Variants in XDH observed in about 807,000 individuals in gnomAD.
The protein encoded by XDH is xanthine dehydrogenase.
XDH carries 138 observed loss-of-function variants against 156.1 expected under a neutral mutation model. The ratio of observed to expected loss-of-function variants is 0.88; its 90% CI spans 0.77 to 1.02. The LOEUF (loss-of-function observed/expected upper bound fraction) is 1.02. Ranked by LOEUF, XDH falls within the 50% of genes least tolerant of loss-of-function variation. The pLI, the probability that XDH is intolerant of heterozygous loss-of-function variation, is 0.00. For synonymous variants in XDH, 669 were observed against 625.7 expected (o/e 1.07, Z -1.03); for missense variants, 1,849 against 1,684.9 (o/e 1.10, Z -1.71).
intron 21 of XDH, 116 bp downstream of exon 21, chr2:31,366,754 G>A (rs1685924489): frequency 1.3e-6 from 2 of 1,533,184 alleles, no homozygotes; most frequent in Non-Finnish European, 9.0e-7. Flanking sequence ...TGACACTCGA[G>A]TACCCTCTGG....
At position 31,342,192 on chromosome 2, in the gene XDH, T is replaced by G. The variant is rs1181243895; in HGVS notation, c.3510A>C (p.Gly1170=). 6.2e-7 allele frequency: 1 copy of G among 1,614,078 alleles called. No individual in the cohort carries two copies. The highest frequency in any genetic ancestry group is 1.7e-5 in the Admixed American group (1 of 60,032). The stretch of plus-strand genomic sequence containing the variant: ...TTTGCAAACTTCTTACCTTATGATC[T>G]CCTGTTAGGCAGTCGATTTCTACTT... ...CSEVEIDCLT[G]DHKNLRTDIV... The change falls in exon 32 of 36, where the codon GGA becomes GGC. Residue 1170 remains glycine (G), a synonymous_variant. Transcript: ENST00000379416.
intron 12 of XDH, among the ~76,000 whole-genome samples, chr2:31,381,101 T>C (rs1199623784): frequency 1.3e-5 from 2 of 152,086 alleles, no homozygotes; most frequent in Admixed American, 1.3e-4. Flanking sequence ...GTTCAAGTGA[T>C]TCTCTTGACT....
At chr2:31,400,647 A>T (rs1687032666) in intron 4 of XDH, among the ~76,000 whole-genome samples, 1 of 152,234 alleles carries the variant, frequency 6.6e-6, no homozygotes, top group Non-Finnish European at 1.5e-5. Flanking sequence ...ATGCATTTTC[A>T]GGTGGTCTGA....
chr2:31,352,192 G>A (rs1049597109), intron 24 of XDH, among the ~76,000 whole-genome samples: 2 of 151,906 alleles, frequency 1.3e-5, no homozygotes, highest in Non-Finnish European at 2.9e-5. Context: ...CCATTTTTGG[G>A]AGATTTGTCA....
At chr2:31,338,805 C>G (rs1305120150) in intron 34 of XDH, among the ~76,000 whole-genome samples, 3 of 146,398 alleles carry the variant, frequency 2.0e-5, no homozygotes, top group Non-Finnish European at 4.5e-5. Context: ...CTCACTGCAG[C>G]CTCTGCCTCC....
intron 33 of XDH, among the ~76,000 whole-genome samples, chr2:31,340,274 G>A (rs752096349): frequency 3.9e-5 from 6 of 152,188 alleles, no homozygotes; most frequent in Non-Finnish European, 8.8e-5. Context: ...TGCAGTACTG[G>A]CTTGGTGCCT....
chr2:31,374,433 A>G (rs574154305), intron 15 of XDH, among the ~76,000 whole-genome samples: 1 of 152,228 alleles, frequency 6.6e-6, no homozygotes, highest in African/African-American at 2.4e-5. Context: ...AAAGATAGGA[A>G]GATGACAGAT....
chr2:31,354,787 T>A (rs1685581350), intron 24 of XDH, among the ~76,000 whole-genome samples: 1 of 152,150 alleles, frequency 6.6e-6, no homozygotes, highest in Admixed American at 6.5e-5. Flanking sequence ...CAAGGACATT[T>A]GGGACTATAA....
chr2:31,379,948 G>A lies in XDH; in HGVS notation c.1161C>T (p.His387=), dbSNP rs1686391073. ...TCTTTCTGTAGCCAGGGAAGAAGGT[G>A]TGGTCCATCTGGACAGTTCTCCTGG... The part of the protein sequence containing the change: ...RGTRRTVQMD[H]TFFPGYRKTL... The change falls in exon 13 of 36, where the codon CAC becomes CAT. Residue 387 remains histidine, a synonymous_variant. Coordinates refer to ENST00000379416, the MANE Select transcript of XDH (RefSeq NM_000379.4). The A allele has an allele frequency of 6.2e-7, 1 of 1,613,994 alleles. No individual in the cohort carries two copies. Among genetic ancestry groups the A allele is most frequent in the Admixed American group, 1.7e-5 (1 of 60,004 alleles).
chr2:31,409,184 T>C (rs1572574947), intron 1 of XDH, among the ~76,000 whole-genome samples: 1 of 151,756 alleles, frequency 6.6e-6, no homozygotes, highest in Non-Finnish European at 1.5e-5. Context: ...GGCTAATAGG[T>C]ACAAAAAAAT....
intron 17 of XDH, among the ~76,000 whole-genome samples, chr2:31,370,882 G>A (rs1219564716): frequency 6.6e-6 from 1 of 152,194 alleles, no homozygotes; most frequent in Non-Finnish European, 1.5e-5. Flanking sequence ...CTCTTTGGAT[G>A]TTACGTGATG....
At chr2:31,343,801 A>G (rs1395787989) in intron 31 of XDH, among the ~76,000 whole-genome samples, 2 of 124,238 alleles carry the variant, frequency 1.6e-5, no homozygotes, top group African/African-American at 5.3e-5. Context: ...TTATATGTAT[A>G]AACATATATA....
intron 24 of XDH, among the ~76,000 whole-genome samples, chr2:31,360,423 C>T (rs1572526773): frequency 6.6e-6 from 1 of 152,152 alleles, no homozygotes; most frequent in Non-Finnish European, 1.5e-5. Flanking sequence ...ATCACTTGAA[C>T]CCAGGAGGCG....
intron 13 of XDH, 101 bp downstream of exon 13, chr2:31,379,766 G>A (rs1686379932): frequency 8.9e-7 from 1 of 1,121,522 alleles, no homozygotes; most frequent in African/African-American, 1.5e-5. Flanking sequence ...AAGGTTGAGA[G>A]ATGCTCAGGT....
rs2148768849 is a variant in XDH at position 31,367,951 on chromosome 2, A to G, written c.2197+10T>C. On this transcript the variant is annotated intron_variant, in intron 20 of 35. Transcript: ENST00000379416. ...CACCCCATTCCCACTGCGGCATGGA[A>G]CAGCTCTACCTGACACAACATTATC... 6.2e-7 allele frequency: 1 copy of G among 1,614,018 alleles called. No individual in the cohort carries two copies. Among genetic ancestry groups the G allele is most frequent in the Non-Finnish European group, 8.5e-7 (1 of 1,179,866 alleles).
chr2:31,388,300 A>T lies in XDH; in HGVS notation c.496-5T>A. 1 of 1,614,092 alleles carries T rather than the reference A, an allele frequency of 6.2e-7. No homozygotes were observed. The highest frequency in any genetic ancestry group is 8.5e-7 in the Non-Finnish European group (1 of 1,179,948). Reference sequence around the variant, plus strand: ...TCCTCCACAGCATCCACCATCCTAGAGAGATGATGAACATCTGCACAAGGG... The same window carrying T: ...TCCTCCACAGCATCCACCATCCTAGTGAGATGATGAACATCTGCACAAGGG... On this transcript the variant is annotated splice_region_variant and splice_polypyrimidine_tract_variant and intron_variant, in intron 6 of 35. Coordinates refer to ENST00000379416, the MANE Select transcript of XDH (RefSeq NM_000379.4).
rs1685005217 is a variant in XDH, at chr2:31,337,762, T to C, written c.3830A>G (p.Asp1277Gly). The C allele has an allele frequency of 6.2e-7, 1 of 1,614,218 alleles. No homozygotes were observed. Among genetic ancestry groups the C allele is most frequent in the Non-Finnish European group, 8.5e-7 (1 of 1,180,038 alleles). ...LAASIFFAIK[D>G]AIRAARAQHT... ...CTGAGCTCGAGCTGCACGGATGGCATCTTTGATGGCAAAGAAGATAGAAGC... is the reference window on the plus strand; with the variant it reads ...CTGAGCTCGAGCTGCACGGATGGCACCTTTGATGGCAAAGAAGATAGAAGC... The change falls in exon 35 of 36, where the codon GAT (aspartate) becomes GGT (glycine). Residue 1277 changes from aspartate (D) to glycine (G), a missense_variant. By Grantham distance (94) the Asp-to-Gly change is moderately conservative. Transcript: ENST00000379416.
chr2:31,352,400 T>G (rs1685510112), intron 24 of XDH, among the ~76,000 whole-genome samples: 1 of 152,142 alleles, frequency 6.6e-6, no homozygotes, highest in Non-Finnish European at 1.5e-5. Flanking sequence ...GGGTACTCTC[T>G]CTCTCCCACA....
chr2:31,368,783 G>C (rs921709069), intron 18 of XDH, 123 bp from the exon 19 acceptor site: 2 of 1,555,348 alleles, frequency 1.3e-6, no homozygotes, highest in Non-Finnish European at 8.7e-7. Flanking sequence ...CTTTAGGAAT[G>C]CCCTAGGGCC....
Sources: allele counts gnomAD v4.1 joint callset (sites outside exome capture counted in the v4.1 genomes callset), GRCh38; gene constraint gnomAD v4.1.1; transcripts MANE v1.5; gene names NCBI Gene and HGNC (gene_info 2026-07-23, HGNC 2026-07-21).